MAP3K7CL: variants seen among roughly 807,000 people sequenced by gnomAD.
The protein encoded by MAP3K7CL is MAP3K7 C-terminal like.
A neutral mutation model predicts 18.6 loss-of-function variants in MAP3K7CL; 16 were observed. The ratio of observed to expected loss-of-function variants is 0.86; its 90% CI spans 0.58 to 1.31. MAP3K7CL has a LOEUF of 1.31. Ranked by LOEUF, MAP3K7CL falls within the 50% of genes most tolerant of loss-of-function variation. MAP3K7CL has a pLI of 0.00. For synonymous variants in MAP3K7CL, 65 were observed against 66.8 expected (o/e 0.97, Z 0.13); for missense variants, 163 against 174.4 (o/e 0.93, Z 0.37).
intron 4 of MAP3K7CL, among the ~76,000 whole-genome samples, chr21:29,108,003 T>C (rs2086353962): frequency 6.6e-6 from 1 of 152,242 alleles, no homozygotes; most frequent in African/African-American, 2.4e-5. Flanking sequence ...TATTTACATA[T>C]ATTTTGATAA....
intron 4 of MAP3K7CL, among the ~76,000 whole-genome samples, chr21:29,105,361 G>T (rs1460031543): frequency 6.6e-6 from 1 of 152,146 alleles, no homozygotes; most frequent in African/African-American, 2.4e-5. Context: ...CCTTCTTCCT[G>T]TTGCTCATTC....
intron 4 of MAP3K7CL, among the ~76,000 whole-genome samples, chr21:29,161,605 G>C (rs2087550994): frequency 6.6e-6 from 1 of 152,122 alleles, no homozygotes; most frequent in Non-Finnish European, 1.5e-5. Flanking sequence ...AATGTGACCA[G>C]TATTGAAGTC....
chr21:29,145,397 A>G (rs2087105939), intron 2 of MAP3K7CL, among the ~76,000 whole-genome samples: 1 of 152,202 alleles, frequency 6.6e-6, no homozygotes, highest in South Asian at 2.1e-4. Flanking sequence ...CCGATCCGGT[A>G]TCACTGTCAA....
chr21:29,103,800 G>T (rs1328024997), intron 4 of MAP3K7CL, among the ~76,000 whole-genome samples: 1 of 151,964 alleles, frequency 6.6e-6, no homozygotes, highest in Non-Finnish European at 1.5e-5. Flanking sequence ...CAGGGAGGCT[G>T]AGTTGGGAGG....
rs78853097 is a variant in MAP3K7CL at position 29,104,120 on chromosome 21, T to G, written c.370+11539T>G. On this transcript the variant is annotated intron_variant, in intron 4 of 6. Transcript: ENST00000286791. ...TATTTGTTTTGTTGTAGTTTGTGTG[T>G]TTTTTGTTTGTTTGGTTTTTTGCAA... 5.2e-3 allele frequency among the ~76,000 whole-genome samples: 792 copies of G among 152,274 alleles called. 7 individuals are homozygous for G. Among genetic ancestry groups the G allele is most frequent in the African/African-American group, 0.018 (754 of 41,550 alleles).
At chr21:29,116,684 A>T (rs2086510345) in intron 4 of MAP3K7CL, among the ~76,000 whole-genome samples, 1 of 152,196 alleles carries the variant, frequency 6.6e-6, no homozygotes, top group Non-Finnish European at 1.5e-5. Flanking sequence ...TAAACAGGGA[A>T]TGTCATTCTT....
chr21:29,099,843 G>A (rs2086191145), intron 4 of MAP3K7CL, among the ~76,000 whole-genome samples: 1 of 152,116 alleles, frequency 6.6e-6, no homozygotes, highest in Admixed American at 6.5e-5. Context: ...CAGCACTTTG[G>A]GAGGCCGAGG....
chr21:29,141,495 A>G (rs1017782315), intron 2 of MAP3K7CL, among the ~76,000 whole-genome samples: 5 of 150,910 alleles, frequency 3.3e-5, no homozygotes, highest in African/African-American at 1.2e-4. Flanking sequence ...CCTGGGTGAC[A>G]CAGCGAGACT....
chr21:29,129,285 CAT>C (rs2086735570), upstream of MAP3K7CL, among the ~76,000 whole-genome samples: 1 of 152,176 alleles, frequency 6.6e-6, no homozygotes, highest in Non-Finnish European at 1.5e-5. Flanking sequence ...ATTACAGTCT[CAT>C]ATAGAATAGT....
At chr21:29,125,525 G>C (rs1359502615) in intron 4 of MAP3K7CL, among the ~76,000 whole-genome samples, 4 of 152,168 alleles carry the variant, frequency 2.6e-5, no homozygotes, top group Admixed American at 6.5e-5. Context: ...AGGAAAAGTG[G>C]CTCCCAGTTA....
upstream of MAP3K7CL, among the ~76,000 whole-genome samples, chr21:29,082,527 C>A (rs1568923844): frequency 1.3e-5 from 2 of 152,178 alleles, no homozygotes; most frequent in South Asian, 4.1e-4. Context: ...TTCAGCTGTG[C>A]ATCACATGGT....
At chr21:29,094,999 A>G (rs1031279725) in intron 4 of MAP3K7CL, among the ~76,000 whole-genome samples, 3 of 148,942 alleles carry the variant, frequency 2.0e-5, no homozygotes, top group African/African-American at 7.4e-5. Flanking sequence ...CGGAGGTTGC[A>G]GTGAGCTGAG....
chr21:29,154,629 A>G (rs1177760321), intron 3 of MAP3K7CL, among the ~76,000 whole-genome samples: 2 of 152,204 alleles, frequency 1.3e-5, no homozygotes, highest in Non-Finnish European at 2.9e-5. Context: ...TTTTGCATCA[A>G]TATATTGCTT....
At chr21:29,166,996 G>A (rs73354805) in intron 4 of MAP3K7CL, among the ~76,000 whole-genome samples, 3,173 of 152,278 alleles carry the variant, frequency 0.021, 125 homozygotes, top group African/African-American at 0.072. Context: ...TTTTCAAACG[G>A]GTTGACATTT....
intron 4 of MAP3K7CL, among the ~76,000 whole-genome samples, chr21:29,170,523 TA>T (rs1043504550): frequency 9.9e-5 from 15 of 152,180 alleles, no homozygotes; most frequent in Admixed American, 6.5e-5. Flanking sequence ...GATTTGAAAG[TA>T]AAGTCCACCT....
At chr21:29,092,683 G>A (rs1412435483) in intron 4 of MAP3K7CL, 1 of 1,364,426 alleles carries the variant, frequency 7.3e-7, no homozygotes, top group Non-Finnish European at 1.0e-6. Flanking sequence ...TCATTCTGCA[G>A]GGATCTGGGT....
rs1248237808 is a variant in MAP3K7CL, at chr21:29,160,010, G to T, written c.202G>T (p.Glu68Ter). 1 of 1,614,076 alleles carries T rather than the reference G, an allele frequency of 6.2e-7. No individual in the cohort carries two copies. Among genetic ancestry groups the T allele is most frequent in the Non-Finnish European group, 8.5e-7 (1 of 1,179,956 alleles). ...VFKQHCQIAEEYHEVKKEITL... is the reference protein window; with the variant it reads ...VFKQHCQIAE ...CAAACAGCACTGCCAAATAGCAGAAGAATACCATGAGGTCAAAAAGGAAAT... is the reference window on the plus strand; with the variant it reads ...CAAACAGCACTGCCAAATAGCAGAATAATACCATGAGGTCAAAAAGGAAAT... Residue 68 changes from glutamate to a stop codon, truncating the protein, a stop_gained, in exon 4 of 5, where the codon GAA (glutamate) becomes TAA (stop). Transcript: ENST00000399928. LOFTEE classifies it high-confidence loss of function.
rs957671138 is a variant in MAP3K7CL at position 29,139,043 on chromosome 21, T to G, written c.70+5629T>G. On this transcript the variant is annotated intron_variant, in intron 2 of 4. Transcript: ENST00000399928. ...AATCGTATGACACTTAGTTTTTGTG[T>G]TTTTTTTGGTACTCCGGAACCCATA... Among the ~76,000 whole-genome samples, 3 of 151,998 alleles carry G rather than the reference T, an allele frequency of 2.0e-5. No individual in the cohort carries two copies. The East Asian group carries it at 5.8e-4, about 29-fold the overall frequency.
At position 29,174,759 on chromosome 21, in the gene MAP3K7CL, A is replaced by G. The variant is rs1284164456; in HGVS notation, c.296A>G (p.Asp99Gly). The change falls in exon 5 of 5, where the codon GAT (aspartate) becomes GGT (glycine). Residue 99 changes from aspartate (D) to glycine (G), a missense_variant. Asp to Gly is a moderately conservative substitution (Grantham distance 94). Coordinates refer to ENST00000399928, the MANE Select transcript of MAP3K7CL (RefSeq NM_001286620.2). ...GATCAGGCAGAAAAGGAGAAGGTGG[A>G]TGCTGCTGAGCTGGTTCGGGAATTC... ...KLDQAEKEKV[D>G]AAELVREFEA... 3.1e-6 allele frequency: 5 copies of G among 1,614,146 alleles called. No homozygotes were observed. Among genetic ancestry groups the G allele is most frequent in the East Asian group, 2.2e-5 (1 of 44,888 alleles).
Sources: allele counts gnomAD v4.1 joint callset (sites outside exome capture counted in the v4.1 genomes callset), GRCh38; gene constraint gnomAD v4.1.1; transcripts MANE v1.5; gene names NCBI Gene and HGNC (gene_info 2026-07-23, HGNC 2026-07-21).